SKIL: variants seen among roughly 807,000 people sequenced by gnomAD.
SKIL encodes the protein SKI like proto-oncogene, also known as ski-like protein.
In SKIL, 20 loss-of-function variants were observed where a neutral mutation model predicts 69.6. The ratio of observed to expected loss-of-function variants is 0.29; its 90% CI spans 0.20 to 0.42. The LOEUF is 0.42. Among genes scored for constraint, SKIL ranks in the 10% least tolerant of loss-of-function variants. SKIL has a pLI of 1.00. For missense variants in SKIL, 745 were observed against 783.1 expected (o/e 0.95, Z 0.58); for synonymous variants, 310 against 279.9 (o/e 1.11, Z -1.08).
Position 170,380,738 on chromosome 3 carries a change from A to G in SKIL, c.1099-506A>G, listed in dbSNP as rs949172996. ...ACTCCATGTTAGCATGCATACTGAA[A>G]CTGTTCTTGTGATGGGATAGTTCAT... is the stretch of plus-strand genomic sequence containing the variant. On this transcript the variant is annotated intron_variant, in intron 2 of 6. Coordinates refer to ENST00000259119, the MANE Select transcript of SKIL (RefSeq NM_005414.5). Among the ~76,000 whole-genome samples the G allele has an allele frequency of 3.3e-5, 5 of 152,112 alleles. No individual in the cohort carries two copies. In the South Asian group the frequency reaches 6.2e-4, roughly 19 times the overall value.
chr3:170,389,756 A>G (rs1231941003), intron 4 of SKIL, among the ~76,000 whole-genome samples: 1 of 152,212 alleles, frequency 6.6e-6, no homozygotes, highest in African/African-American at 2.4e-5. Context: ...CATGTCACAC[A>G]GTCTTGATTT....
chr3:170,363,861 G>A (rs187800205), intron 2 of SKIL, among the ~76,000 whole-genome samples: 7 of 152,036 alleles, frequency 4.6e-5, no homozygotes, highest in East Asian at 1.9e-4. Flanking sequence ...GACTTGTCCC[G>A]TGCTGAAGTT....
At chr3:170,371,222 C>T (rs1246396308) in intron 2 of SKIL, among the ~76,000 whole-genome samples, 2 of 152,108 alleles carry the variant, frequency 1.3e-5, no homozygotes, top group East Asian at 3.8e-4. Flanking sequence ...AGTAGTAGGC[C>T]TGGTGCGGTG....
In SKIL at chr3:170,394,150, A is replaced by G. The variant is rs1418853964; in HGVS notation, c.*1733A>G. 6 of 92,540 alleles carry G rather than the reference A, an allele frequency of 6.5e-5. No homozygotes were observed. Among genetic ancestry groups the G allele is most frequent in the Admixed American group, 2.8e-4 (2 of 7,188 alleles). The allele number at this position is 92,540 out of a possible 1,614,324, so 5.7% of individuals were successfully genotyped here. On this transcript the variant is annotated 3_prime_UTR_variant, in exon 7 of 7. Coordinates refer to ENST00000259119, the MANE Select transcript of SKIL (RefSeq NM_005414.5). The stretch of plus-strand genomic sequence containing the variant: ...TTTTTTTTTTTTTTTTTTTTTTGAG[A>G]CAGAGTCTCGCTGTCTCCCAGGCTG...
In SKIL at chr3:170,361,423, A is replaced by G. The variant is rs1301080989; in HGVS notation, c.1092A>G (p.Gln364=). The G allele has an allele frequency of 6.4e-7, 1 of 1,557,470 alleles. No individual in the cohort carries two copies. The highest frequency in any genetic ancestry group is 2.2e-5 in the Admixed American group (1 of 46,424). The change falls in exon 2 of 7, where the codon CAA becomes CAG. Residue 364 remains glutamine, a synonymous_variant. Coordinates refer to ENST00000259119, the MANE Select transcript of SKIL (RefSeq NM_005414.5). ...KFSMRSGKRN[Q]SKTDAPSGME... is the part of the protein sequence containing the mutation. ...GCATGAGAAGTGGAAAGAGAAATCA[A>G]TCCAAGGCAAGTTTTTTATATCAAT...
At chr3:170,379,695 G>A (rs1737228599) in intron 2 of SKIL, among the ~76,000 whole-genome samples, 1 of 152,130 alleles carries the variant, frequency 6.6e-6, no homozygotes. Context: ...CCAGGCTGGA[G>A]TGCAGTGGCA....
At chr3:170,380,653 A>AT (rs1373395495) in intron 2 of SKIL, among the ~76,000 whole-genome samples, 10 of 152,066 alleles carry the variant, frequency 6.6e-5, no homozygotes, top group South Asian at 4.1e-4. Context: ...AAAAAAAAAA[A>AT]AAAAATAAAT....
In SKIL at chr3:170,361,487, C is replaced by G. The variant is rs562869716; in HGVS notation, c.1098+58C>G. 1.0e-4 allele frequency: 137 copies of G among 1,315,166 alleles called. No individual in the cohort carries two copies. In the South Asian group the frequency reaches 1.4e-3, roughly 13 times the overall value. The allele number at this position is 1,315,166 out of a possible 1,614,324, so 81.5% of individuals were successfully genotyped here. On this transcript the variant is annotated intron_variant, in intron 2 of 6. Coordinates refer to ENST00000259119, the MANE Select transcript of SKIL (RefSeq NM_005414.5). ...AATGGTTTACTTTGAAATGAAAATT[C>G]TATGTTTAGTGTGTAACTTAACCTG...
intron 4 of SKIL, 130 bp from the exon 5 acceptor site, chr3:170,390,093 A>T: frequency 1.5e-6 from 1 of 678,578 alleles, no homozygotes; most frequent in South Asian, 2.0e-5. Flanking sequence ...TGTTAAATTT[A>T]TTCCTATTTT....
At chr3:170,380,995 ATT>A (rs35175326) in intron 2 of SKIL, among the ~76,000 whole-genome samples, 4 of 140,120 alleles carry the variant, frequency 2.9e-5, no homozygotes, top group Non-Finnish European at 4.6e-5. Context: ...CAACTGGCTA[ATT>A]TTTTTTTTTT....
rs1331807011 is a variant in SKIL at position 170,392,869 on chromosome 3, A to G, written c.*452A>G. The G allele has an allele frequency of 6.6e-6, 1 of 152,340 alleles. No homozygotes were observed. The highest frequency in any genetic ancestry group is 6.5e-5 in the Admixed American group (1 of 15,274). 9.4% of individuals were successfully genotyped at this position (152,340 alleles called of 1,614,324 possible). ...AATCTCCCCTTTTCTCATTAACACA[A>G]TTTTTCTAAGTTGATATGGTGTACT... is the stretch of plus-strand genomic sequence containing the variant. On this transcript the variant is annotated 3_prime_UTR_variant, in exon 7 of 7. Coordinates refer to ENST00000259119, the MANE Select transcript of SKIL (RefSeq NM_005414.5).
chr3:170,388,524 C>T (rs1449361377), intron 4 of SKIL, among the ~76,000 whole-genome samples: 1 of 152,084 alleles, frequency 6.6e-6, no homozygotes, highest in Non-Finnish European at 1.5e-5. Context: ...CCTCTACCTC[C>T]TGGGCTTAAT....
chr3:170,375,057 ATAG>A (rs1736966222), intron 2 of SKIL, among the ~76,000 whole-genome samples: 1 of 152,234 alleles, frequency 6.6e-6, no homozygotes, highest in African/African-American at 2.4e-5. Context: ...TGCTAGGCAT[ATAG>A]TGCTAGGTAT....
At chr3:170,370,251 T>C (rs1736736123) in intron 2 of SKIL, among the ~76,000 whole-genome samples, 1 of 151,868 alleles carries the variant, frequency 6.6e-6, no homozygotes. Flanking sequence ...AAAAATAAAA[T>C]AAAATAAAAT....
At chr3:170,370,761 T>C (rs1189653082) in intron 2 of SKIL, among the ~76,000 whole-genome samples, 1 of 152,126 alleles carries the variant, frequency 6.6e-6, no homozygotes, top group Non-Finnish European at 1.5e-5. Context: ...GTAACATAGT[T>C]TGACCCTGTC....
intron 4 of SKIL, among the ~76,000 whole-genome samples, chr3:170,386,022 C>T (rs981240289): frequency 6.6e-6 from 1 of 151,736 alleles, no homozygotes; most frequent in Admixed American, 6.6e-5. Flanking sequence ...GAACTCCTGA[C>T]CTCAGGTGAT....
intron 4 of SKIL, 189 bp downstream of exon 4, chr3:170,384,954 A>G (rs1737544829): frequency 2.1e-6 from 1 of 466,480 alleles, no homozygotes; most frequent in Non-Finnish European, 3.8e-6. Flanking sequence ...TAGCGTGGTG[A>G]TAGCTCAGGA....
At chr3:170,388,804 G>T (rs1737770572) in intron 4 of SKIL, among the ~76,000 whole-genome samples, 1 of 151,772 alleles carries the variant, frequency 6.6e-6, no homozygotes. Context: ...TCTTGTTTTA[G>T]GTATCATATC....
In SKIL at chr3:170,361,041, G is replaced by A. The variant is rs776822768; in HGVS notation, c.710G>A (p.Arg237Gln). ...TTATGTAATGCTTTATTGCGGCCAC[G>A]AACTTTTCCTCAAAATGGTAGCGTA... Reference protein sequence around the residue: ...QRLCNALLRPRTFPQNGSVLP... With the variant: ...QRLCNALLRPQTFPQNGSVLP... The change falls in exon 2 of 7, where the codon CGA becomes CAA. Residue 237 changes from arginine (R) to glutamine (Q), a missense_variant. Coordinates refer to ENST00000259119, the MANE Select transcript of SKIL (RefSeq NM_005414.5). 5.0e-6 allele frequency: 8 copies of A among 1,614,178 alleles called. No individual in the cohort carries two copies. Among genetic ancestry groups the A allele is most frequent in the East Asian group, 2.2e-5 (1 of 44,892 alleles).
Sources: allele counts gnomAD v4.1 joint callset (sites outside exome capture counted in the v4.1 genomes callset), GRCh38; gene constraint gnomAD v4.1.1; transcripts MANE v1.5; gene names NCBI Gene and HGNC (gene_info 2026-07-23, HGNC 2026-07-21).